Variants in TMIGD3 observed in about 807,000 individuals in gnomAD.
TMIGD3 encodes AD026 protein (AD026).
TMIGD3 carries 21 observed loss-of-function variants against 28.1 expected under a neutral mutation model. The observed-to-expected ratio is 0.75, with a 90% CI of 0.53 to 1.08. The LOEUF (loss-of-function observed/expected upper bound fraction) is 1.08. Ranked by LOEUF, TMIGD3 falls within the 50% of genes least tolerant of loss-of-function variation. The probability of loss-of-function intolerance (pLI) is 0.00; values close to 1 mark genes in which losing one functional copy is unlikely to be tolerated. For missense variants in TMIGD3, 416 were observed against 435.6 expected (o/e 0.96, Z 0.40); for synonymous variants, 151 against 162.1 (o/e 0.93, Z 0.52).
chr1:111,529,214 A>T (rs1043050706), intron 1 of TMIGD3, among the ~76,000 whole-genome samples: 2 of 151,962 alleles, frequency 1.3e-5, no homozygotes, highest in Middle Eastern at 3.2e-3. Context: ...ACAAAACTCA[A>T]AAATTTCAAG....
At chr1:111,529,734 A>G (rs1412572300) in intron 1 of TMIGD3, among the ~76,000 whole-genome samples, 1 of 151,568 alleles carries the variant, frequency 6.6e-6, no homozygotes, top group Non-Finnish European at 1.5e-5. Context: ...TTTTCTTAGT[A>G]CAGAACAAAA....
chr1:111,556,351 A>G (rs1448948089), intron 1 of TMIGD3, among the ~76,000 whole-genome samples: 1 of 152,212 alleles, frequency 6.6e-6, no homozygotes, highest in Non-Finnish European at 1.5e-5. Flanking sequence ...CAAGTGCTAT[A>G]TAAAATAGTA....
chr1:111,520,772 G>A (rs1272240383), intron 1 of TMIGD3, among the ~76,000 whole-genome samples: 2 of 152,136 alleles, frequency 1.3e-5, no homozygotes, highest in African/African-American at 4.8e-5. Flanking sequence ...TGGTATTTTT[G>A]TTTCAGTTAT....
upstream of TMIGD3, among the ~76,000 whole-genome samples, chr1:111,506,152 A>T (rs1173396185): frequency 6.6e-6 from 1 of 152,190 alleles, no homozygotes; most frequent in Non-Finnish European, 1.5e-5. Context: ...TGCTGTGTGT[A>T]TATGACTTCC....
chr1:111,553,903 A>G (rs1657376128), intron 1 of TMIGD3, among the ~76,000 whole-genome samples: 1 of 152,240 alleles, frequency 6.6e-6, no homozygotes, highest in African/African-American at 2.4e-5. Context: ...AAGAACCTAT[A>G]CAAAGAGCTT....
chr1:111,538,300 A>T (rs1038289657), intron 1 of TMIGD3, among the ~76,000 whole-genome samples: 1 of 152,220 alleles, frequency 6.6e-6, no homozygotes, highest in Non-Finnish European at 1.5e-5. Flanking sequence ...TTGACCATAC[A>T]GGGAAGGGGC....
intron 5 of TMIGD3, chr1:111,485,275 G>A (rs1654306233): frequency 6.5e-6 from 1 of 153,064 alleles, no homozygotes; most frequent in Non-Finnish European, 1.5e-5. Context: ...GTGAGAGGAT[G>A]GCTTGAGGCC....
At chr1:111,508,673 TC>T (rs1334451564) in intron 1 of TMIGD3, among the ~76,000 whole-genome samples, 1 of 152,170 alleles carries the variant, frequency 6.6e-6, no homozygotes, top group Non-Finnish European at 1.5e-5. Flanking sequence ...CTGTGACTGT[TC>T]CAATAAACAC....
intron 1 of TMIGD3, among the ~76,000 whole-genome samples, chr1:111,496,797 C>T (rs143794296): frequency 6.6e-6 from 1 of 152,212 alleles, no homozygotes; most frequent in Non-Finnish European, 1.5e-5. Context: ...TGCCAAAATG[C>T]AAGTGACTAC....
intron 1 of TMIGD3, among the ~76,000 whole-genome samples, chr1:111,496,908 T>C (rs1412606227): frequency 6.6e-6 from 1 of 152,170 alleles, no homozygotes; most frequent in African/African-American, 2.4e-5. Context: ...ATTTTTAAAA[T>C]AAGGCAAATA....
intron 1 of TMIGD3, among the ~76,000 whole-genome samples, chr1:111,531,367 T>C (rs1013546701): frequency 6.6e-6 from 1 of 152,248 alleles, no homozygotes; most frequent in African/African-American, 2.4e-5. Flanking sequence ...TCACGTTTAC[T>C]GATCTTTTCT....
intron 1 of TMIGD3, among the ~76,000 whole-genome samples, chr1:111,552,248 C>A (rs1657291636): frequency 6.6e-6 from 1 of 152,186 alleles, no homozygotes; most frequent in Admixed American, 6.5e-5. Context: ...TGACGACATT[C>A]ATTCTCCTTC....
chr1:111,497,162 G>A (rs1182346984), intron 1 of TMIGD3, among the ~76,000 whole-genome samples: 2 of 152,140 alleles, frequency 1.3e-5, no homozygotes, highest in African/African-American at 4.8e-5. Context: ...CCAGGCTGGA[G>A]TGCAGTGGCA....
chr1:111,518,882 C>G (rs368200552), intron 1 of TMIGD3, among the ~76,000 whole-genome samples: 22 of 152,300 alleles, frequency 1.4e-4, no homozygotes, highest in Non-Finnish European at 1.6e-4. Context: ...TCAACTGTGA[C>G]CTAGGCCATC....
intron 1 of TMIGD3, among the ~76,000 whole-genome samples, chr1:111,524,712 C>A (rs879675284): frequency 3.9e-5 from 6 of 152,234 alleles, no homozygotes; most frequent in Middle Eastern, 3.4e-3. Context: ...CTCCGCCTCC[C>A]GGGTTTAAGT....
upstream of TMIGD3, among the ~76,000 whole-genome samples, chr1:111,507,918 C>T (rs1214465836): frequency 1.4e-4 from 21 of 152,234 alleles, no homozygotes; most frequent in Non-Finnish European, 1.5e-5. Context: ...CCATCAAGCC[C>T]CGGGGGTCAG....
chr1:111,548,493 A>T (rs1035816411), intron 1 of TMIGD3, among the ~76,000 whole-genome samples: 4 of 152,216 alleles, frequency 2.6e-5, no homozygotes, highest in African/African-American at 9.6e-5. Flanking sequence ...TGTGCAGCTG[A>T]TCTGGGCACA....
In TMIGD3 at chr1:111,503,361, T is replaced by C; in HGVS notation, c.-7A>G. ...CAGTGCTGTTGTTGGGCATCTTGCC[T>C]TCCCAGGGGAACCTCCACAGGGACA... is the stretch of plus-strand genomic sequence containing the variant. On this transcript the variant is annotated 5_prime_UTR_variant, in exon 1 of 6. Transcript: ENST00000369716. The C allele has an allele frequency of 6.2e-7, 1 of 1,603,068 alleles. No homozygotes were observed. The highest frequency in any genetic ancestry group is 2.2e-5 in the East Asian group (1 of 44,696).
chr1:111,531,242 A>C (rs10776731), intron 1 of TMIGD3, among the ~76,000 whole-genome samples: 107,204 of 151,492 alleles, frequency 0.71, 38,108 homozygotes, highest in East Asian at 0.93. Context: ...CATGCCACTG[A>C]ATTCCAGCCT....
Sources: allele counts gnomAD v4.1 joint callset (sites outside exome capture counted in the v4.1 genomes callset), GRCh38; gene constraint gnomAD v4.1.1; transcripts MANE v1.5; gene names NCBI Gene and HGNC (gene_info 2026-07-23, HGNC 2026-07-21).